The following STK31 variants were observed in gnomAD, a reference collection of about 807,000 sequenced individuals.
STK31 encodes the protein serine/threonine-protein kinase 31.
STK31 carries 89 observed loss-of-function variants against 129.7 expected under a neutral mutation model. The ratio of observed to expected loss-of-function variants is 0.69; its 90% CI spans 0.58 to 0.82. The LOEUF (loss-of-function observed/expected upper bound fraction) is 0.82, where lower values mean the gene tolerates loss of function less well. Ranked by LOEUF, STK31 falls within the 40% of genes least tolerant of loss-of-function variation. The pLI, the probability that STK31 is intolerant of heterozygous loss-of-function variation, is 0.00. For missense variants in STK31, 1,187 were observed against 1,176.4 expected (o/e 1.01, Z -0.13); for synonymous variants, 448 against 395.3 (o/e 1.13, Z -1.58).
intron 8 of STK31, among the ~76,000 whole-genome samples, chr7:23,742,484 A>T (rs1562564826): frequency 6.6e-6 from 1 of 152,076 alleles, no homozygotes; most frequent in Non-Finnish European, 1.5e-5. Flanking sequence ...TTCTGTGTGG[A>T]TTCCTTTTCT....
At chr7:23,804,155 C>T (rs190917396) in intron 22 of STK31, among the ~76,000 whole-genome samples, 5 of 152,148 alleles carry the variant, frequency 3.3e-5, no homozygotes, top group East Asian at 1.9e-4. Flanking sequence ...TGAGCTCAAG[C>T]GATCTTCCCA....
chr7:23,804,157 A>G (rs1236249212), intron 22 of STK31, among the ~76,000 whole-genome samples: 1 of 151,956 alleles, frequency 6.6e-6, no homozygotes, highest in Non-Finnish European at 1.5e-5. Flanking sequence ...AGCTCAAGCG[A>G]TCTTCCCACC....
intron 23 of STK31, among the ~76,000 whole-genome samples, chr7:23,818,815 G>C (rs1793617637): frequency 6.6e-6 from 1 of 151,966 alleles, no homozygotes; most frequent in Non-Finnish European, 1.5e-5. Flanking sequence ...AGTAGAGATG[G>C]GGTTTTGCCA....
chr7:23,813,572 G>A (rs892739594), intron 22 of STK31, among the ~76,000 whole-genome samples: 1 of 152,138 alleles, frequency 6.6e-6, no homozygotes, highest in African/African-American at 2.4e-5. Context: ...TTGAACTGTG[G>A]TTTTAACGAC....
rs901079555 is a variant in STK31 at position 23,778,713 on chromosome 7, A to G, written c.1966-2706A>G. On this transcript the variant is annotated intron_variant, in intron 15 of 23. Transcript: ENST00000355870. ...ATTTATGTTCTTCTCTAAACAGGTT[A>G]TTCTAGTTAGCAATTCGTCTAACCT... Among the ~76,000 whole-genome samples, 3 of 151,844 alleles carry G rather than the reference A, an allele frequency of 2.0e-5. No homozygotes were observed. The East Asian group carries it at 5.8e-4, about 29-fold the overall frequency.
At chr7:23,809,759 A>G (rs1002600424) in intron 22 of STK31, among the ~76,000 whole-genome samples, 2 of 152,214 alleles carry the variant, frequency 1.3e-5, no homozygotes, top group Non-Finnish European at 2.9e-5. Context: ...TCAGAGAATT[A>G]AAGTGCTCCT....
At chr7:23,717,442 A>G (rs375333272) in intron 3 of STK31, 39 bp from the exon 4 acceptor site, 60 of 1,388,290 alleles carry the variant, frequency 4.3e-5, no homozygotes, top group Non-Finnish European at 5.6e-5. Flanking sequence ...CTGTAAAATA[A>G]TATTTTACTG....
intron 8 of STK31, among the ~76,000 whole-genome samples, chr7:23,744,707 G>A (rs1410964927): frequency 6.6e-6 from 1 of 152,226 alleles, no homozygotes; most frequent in Non-Finnish European, 1.5e-5. Context: ...TCCTTTGGAT[G>A]TGAATAGTCA....
At chr7:23,779,811 TCC>T (rs1196665420) in intron 15 of STK31, among the ~76,000 whole-genome samples, 2 of 152,182 alleles carry the variant, frequency 1.3e-5, no homozygotes, top group Non-Finnish European at 2.9e-5. Flanking sequence ...ACCACTTGGC[TCC>T]CTGGCTTCAA....
chr7:23,755,606 TTTC>T (rs1440349345), intron 10 of STK31, among the ~76,000 whole-genome samples: 1 of 152,240 alleles, frequency 6.6e-6, no homozygotes, highest in Non-Finnish European at 1.5e-5. Flanking sequence ...TTGCCTGGGT[TTTC>T]TTCTAGGGTT....
intron 3 of STK31, among the ~76,000 whole-genome samples, chr7:23,713,870 A>AT (rs1352825782): frequency 2.0e-5 from 3 of 147,380 alleles, no homozygotes; most frequent in Non-Finnish European, 3.0e-5. Flanking sequence ...TAGTAAAAAA[A>AT]AATATATATA....
At chr7:23,779,064 G>A (rs755150385) in intron 15 of STK31, among the ~76,000 whole-genome samples, 19 of 152,060 alleles carry the variant, frequency 1.2e-4, no homozygotes, top group Non-Finnish European at 2.8e-4. Flanking sequence ...ATTCCTTTCT[G>A]TTTGTTAGTT....
intron 23 of STK31, among the ~76,000 whole-genome samples, chr7:23,823,741 T>G (rs1793933077): frequency 6.6e-6 from 1 of 152,230 alleles, no homozygotes; most frequent in Non-Finnish European, 1.5e-5. Context: ...GTCTAACATG[T>G]AAGTCTTTAA....
intron 17 of STK31, among the ~76,000 whole-genome samples, chr7:23,784,259 G>A (rs557179923): frequency 2.0e-5 from 3 of 152,050 alleles, no homozygotes; most frequent in Admixed American, 6.6e-5. Flanking sequence ...CCTAGATGAG[G>A]TATTTATTCA....
At chr7:23,762,216 C>G (rs1789517243) in intron 10 of STK31, among the ~76,000 whole-genome samples, 1 of 151,012 alleles carries the variant, frequency 6.6e-6, no homozygotes, top group South Asian at 2.1e-4. Flanking sequence ...AGGTATATCT[C>G]CTAATGCTAT....
chr7:23,712,191 CTGAT>C (rs763118499), intron 2 of STK31, 39 bp from the exon 3 acceptor site: 5 of 1,613,722 alleles, frequency 3.1e-6, no homozygotes, highest in Non-Finnish European at 4.2e-6. Flanking sequence ...CTAGATGATA[CTGAT>C]TAATTTCTAA....
rs1246255921 is a variant in STK31, at chr7:23,730,871, TATA to T, written c.483+1623_483+1625del. 5.1e-3 allele frequency among the ~76,000 whole-genome samples: 260 copies of T among 50,864 alleles called. 1 individual carries two copies. Among genetic ancestry groups the T allele is most frequent in the Non-Finnish European group, 8.8e-3 (196 of 22,260 alleles). 33.4% of individuals were successfully genotyped at this position (50,864 alleles called of 152,430 possible). On this transcript the variant is annotated intron_variant, in intron 6 of 23. Transcript: ENST00000355870. ...ATATAAACATTTATATATATATATATATATATATTTTTTTTTTTTTTTTTTGGT... is the reference window on the plus strand; with the variant it reads ...ATATAAACATTTATATATATATATATTATATTTTTTTTTTTTTTTTTTGGT...
At chr7:23,739,163 G>A (rs527618559) in intron 8 of STK31, among the ~76,000 whole-genome samples, 16 of 152,176 alleles carry the variant, frequency 1.1e-4, no homozygotes, top group African/African-American at 3.4e-4. Flanking sequence ...TTTAATGATC[G>A]CCATTATAAC....
chr7:23,789,523 C>T (rs184771258), intron 21 of STK31, among the ~76,000 whole-genome samples: 2 of 152,060 alleles, frequency 1.3e-5, no homozygotes, highest in African/African-American at 2.4e-5. Flanking sequence ...TGTAATGCTA[C>T]TGGAGTATAT....
Sources: allele counts gnomAD v4.1 joint callset (sites outside exome capture counted in the v4.1 genomes callset), GRCh38; gene constraint gnomAD v4.1.1; transcripts MANE v1.5; gene names NCBI Gene and HGNC (gene_info 2026-07-23, HGNC 2026-07-21).